LMO7: variants seen among roughly 807,000 people sequenced by gnomAD.
LMO7 encodes LIM domain 7, also known as LIM domain only protein 7.
Under a neutral mutation model 206.5 loss-of-function variants are expected in LMO7, and 120 were observed. That is an observed-to-expected ratio of 0.58 (90% CI 0.50 to 0.68). The LOEUF (loss-of-function observed/expected upper bound fraction) is 0.68, where lower values mean the gene tolerates loss of function less well. Among genes scored for constraint, LMO7 ranks in the 30% least tolerant of loss-of-function variants. The pLI is 0.00. For synonymous variants in LMO7, 706 were observed against 681.5 expected (o/e 1.04, Z -0.56); for missense variants, 1,959 against 1,957.9 (o/e 1.00, Z -0.01).
At position 75,800,771 on chromosome 13, in the gene LMO7, G is replaced by C; in HGVS notation, c.550G>C (p.Ala184Pro). ...IWCPERGEFL[A>P]PPRHHKREDS... ...GTGTCCTGAACGTGGAGAATTTCTT[G>C]CTCCTCCAAGGCACCATAAGAGAGA... Residue 184 changes from alanine to proline, a missense_variant, in exon 7 of 31, where the codon GCT (alanine) becomes CCT (proline). Physicochemically the swap from Ala to Pro is conservative, Grantham distance 27. Transcript: ENST00000377534. 6.2e-6 allele frequency: 10 copies of C among 1,614,046 alleles called. No individual in the cohort carries two copies. Among genetic ancestry groups the C allele is most frequent in the Non-Finnish European group, 8.5e-6 (10 of 1,179,940 alleles).
chr13:75,832,329 G>T (rs2138879044), intron 15 of LMO7, among the ~76,000 whole-genome samples: 1 of 152,230 alleles, frequency 6.6e-6, no homozygotes, highest in Middle Eastern at 3.4e-3. Flanking sequence ...TGTCCAAGAG[G>T]CTATTGTTTT....
intron 1 of LMO7, among the ~76,000 whole-genome samples, chr13:75,638,085 G>A (rs1378604108): frequency 6.6e-6 from 1 of 152,186 alleles, no homozygotes; most frequent in African/African-American, 2.4e-5. Flanking sequence ...TTAGCAGTGT[G>A]TGTTCTGCAT....
intron 4 of LMO7, among the ~76,000 whole-genome samples, chr13:75,786,636 C>T (rs960670807): frequency 3.3e-5 from 5 of 152,012 alleles, no homozygotes; most frequent in African/African-American, 7.2e-5. Context: ...CTGCCCGCCT[C>T]GGCCTCCCAA....
intron 1 of LMO7, among the ~76,000 whole-genome samples, chr13:75,641,585 T>C (rs1435570664): frequency 6.6e-6 from 1 of 152,194 alleles, no homozygotes; most frequent in Non-Finnish European, 1.5e-5. Context: ...ACTATGGATT[T>C]CTCAAGGTAG....
Position 75,797,502 on chromosome 13 carries a change from T to A in LMO7, c.462+753T>A, listed in dbSNP as rs143276476. 2.3e-3 allele frequency among the ~76,000 whole-genome samples: 343 copies of A among 152,356 alleles called. 3 individuals carry two copies. The highest frequency in any genetic ancestry group is 7.8e-3 in the African/African-American group (325 of 41,586). Reference sequence around the variant, plus strand: ...TTTGTAGGACTCAGAAGAGCCCTTTTGTGTAGTCACAATGGTGTTTCATCA... The same window carrying A: ...TTTGTAGGACTCAGAAGAGCCCTTTAGTGTAGTCACAATGGTGTTTCATCA... On this transcript the variant is annotated intron_variant, in intron 6 of 30. Transcript: ENST00000377534.
chr13:75,741,867 G>A (rs1477980148), intron 3 of LMO7, among the ~76,000 whole-genome samples: 2 of 152,136 alleles, frequency 1.3e-5, no homozygotes, highest in East Asian at 3.8e-4. Flanking sequence ...CATAGTACTG[G>A]AAGTCCTGGC....
At position 75,809,297 on chromosome 13, in the gene LMO7, A is replaced by G. The variant is rs939586195; in HGVS notation, c.1946+114A>G. 9 of 833,204 alleles carry G rather than the reference A, an allele frequency of 1.1e-5. No individual in the cohort carries two copies. The East Asian group carries it at 1.9e-4, about 17-fold the overall frequency. The allele number at this position is 833,204 out of a possible 1,614,324, so 51.6% of individuals were successfully genotyped here. A position where few individuals can be genotyped will look rare whatever the true frequency, so the allele number is the denominator to read the frequency against. The stretch of plus-strand genomic sequence containing the variant: ...ATGGGGTTGTTGTGTGCTGTGCATG[A>G]TATTTTTTAAGTGGGAAATGTTTAT... On this transcript the variant is annotated intron_variant, in intron 11 of 30. Coordinates refer to ENST00000377534, the MANE Select transcript of LMO7 (RefSeq NM_001306080.2).
chr13:75,784,673 T>C (rs1362491197), intron 4 of LMO7, among the ~76,000 whole-genome samples: 1 of 152,164 alleles, frequency 6.6e-6, no homozygotes, highest in Non-Finnish European at 1.5e-5. Context: ...AGAACTTCCA[T>C]GTACATCAGA....
chr13:75,679,424 G>A (rs1303922139), intron 1 of LMO7, among the ~76,000 whole-genome samples: 2 of 152,190 alleles, frequency 1.3e-5, no homozygotes, highest in African/African-American at 4.8e-5. Flanking sequence ...GTAAGACTCA[G>A]ATGAAAAAAT....
intron 4 of LMO7, among the ~76,000 whole-genome samples, chr13:75,773,060 C>T (rs1414473259): frequency 1.3e-5 from 2 of 152,002 alleles, no homozygotes; most frequent in East Asian, 3.9e-4. Flanking sequence ...GAGTGTGGAT[C>T]TAAAGGATGG....
At chr13:75,721,924 T>C (rs1396519619) in intron 2 of LMO7, among the ~76,000 whole-genome samples, 1 of 152,194 alleles carries the variant, frequency 6.6e-6, no homozygotes, top group Non-Finnish European at 1.5e-5. Context: ...CCAACTGCTC[T>C]TCCACAAAGC....
At chr13:75,675,117 C>T (rs2039900156) in intron 1 of LMO7, among the ~76,000 whole-genome samples, 1 of 150,514 alleles carries the variant, frequency 6.6e-6, no homozygotes, top group Non-Finnish European at 1.5e-5. Flanking sequence ...TGCTGTGTCG[C>T]CCAGGCTGGA....
At chr13:75,822,825 A>C (rs898035010) in intron 14 of LMO7, among the ~76,000 whole-genome samples, 3 of 132,918 alleles carry the variant, frequency 2.3e-5, no homozygotes, top group Non-Finnish European at 4.7e-5. Context: ...TATATAATAA[A>C]ATATATATAT....
At chr13:75,801,358 A>T (rs926246495) in intron 7 of LMO7, among the ~76,000 whole-genome samples, 1 of 152,214 alleles carries the variant, frequency 6.6e-6, no homozygotes, top group African/African-American at 2.4e-5. Flanking sequence ...TCTATAGATG[A>T]GAAGAAATGA....
In LMO7 at chr13:75,681,712, A is replaced by ATATATG. The variant is rs1282509516; in HGVS notation, c.70-31464_70-31459dup. On this transcript the variant is annotated intron_variant, in intron 1 of 30. Transcript: ENST00000377534. Reference sequence around the variant, plus strand: ...TGTATGTATGTATGTATGTGTATATATATATGTATATATATATATATATAT... The same window carrying ATATATG: ...TGTATGTATGTATGTATGTGTATATATATATGTATATGTATATATATATATATATAT... Among the ~76,000 whole-genome samples the ATATATG allele has an allele frequency of 1.2e-4, 13 of 110,142 alleles. No homozygotes were observed. The East Asian group carries it at 2.5e-3, about 21-fold the overall frequency. 72.3% of individuals were successfully genotyped at this position (110,142 alleles called of 152,430 possible).
intron 1 of LMO7, among the ~76,000 whole-genome samples, chr13:75,684,902 C>A (rs955627780): frequency 6.6e-6 from 1 of 152,098 alleles, no homozygotes; most frequent in African/African-American, 2.4e-5. Flanking sequence ...GGCAAGAGCC[C>A]TAATTTTCTC....
chr13:75,720,291 A>C (rs1052167729), intron 2 of LMO7, among the ~76,000 whole-genome samples: 1 of 151,896 alleles, frequency 6.6e-6, no homozygotes, highest in Non-Finnish European at 1.5e-5. Flanking sequence ...TTGTCTTTTT[A>C]TTCCCTTGAC....
At chr13:75,840,622 C>A in intron 22 of LMO7, 127 bp downstream of exon 22, 1 of 1,111,436 alleles carries the variant, frequency 9.0e-7, no homozygotes, top group Non-Finnish European at 1.3e-6. Context: ...TATTTTTGCA[C>A]ACAGTACATT....
intron 4 of LMO7, among the ~76,000 whole-genome samples, chr13:75,788,195 C>G (rs1177260733): frequency 2.0e-5 from 3 of 152,108 alleles, no homozygotes; most frequent in Non-Finnish European, 1.5e-5. Context: ...GACACCTACA[C>G]TTTTCTCCTG....
Sources: allele counts gnomAD v4.1 joint callset (sites outside exome capture counted in the v4.1 genomes callset), GRCh38; gene constraint gnomAD v4.1.1; transcripts MANE v1.5; gene names NCBI Gene and HGNC (gene_info 2026-07-23, HGNC 2026-07-21).